The following ACAN variants were observed in gnomAD, a reference collection of about 807,000 sequenced individuals.
The protein encoded by ACAN is aggrecan core protein.
A neutral mutation model predicts 169.1 loss-of-function variants in ACAN; 47 were observed. The ratio of observed to expected loss-of-function variants is 0.28; its 90% CI spans 0.22 to 0.35. ACAN has a LOEUF of 0.35. Among genes scored for constraint, ACAN ranks in the 10% least tolerant of loss-of-function variants. The pLI is 1.00. For synonymous variants in ACAN, 1,115 were observed against 1,112.2 expected (o/e 1.00, Z -0.05); for missense variants, 2,716 against 2,759.9 (o/e 0.98, Z 0.36).
intron 12 of ACAN, among the ~76,000 whole-genome samples, chr15:88,860,064 T>C (rs1175917582): frequency 7.3e-6 from 1 of 137,928 alleles, no homozygotes; most frequent in Non-Finnish European, 1.5e-5. Context: ...TAGCGGTAGC[T>C]GATTTTCCTT....
chr15:88,825,692 T>C (rs1896197577), intron 1 of ACAN, among the ~76,000 whole-genome samples: 1 of 151,888 alleles, frequency 6.6e-6, no homozygotes, highest in African/African-American at 2.4e-5. Flanking sequence ...GATCAGTGAG[T>C]GAAGGGAATC....
chr15:88,848,619 GC>G (rs1416478051), intron 9 of ACAN, among the ~76,000 whole-genome samples: 5 of 152,186 alleles, frequency 3.3e-5, no homozygotes, highest in Admixed American at 3.3e-4. Flanking sequence ...ACTCAGCATT[GC>G]CCAATTTTTA....
chr15:88,808,066 T>C (rs1895730358), intron 1 of ACAN, among the ~76,000 whole-genome samples: 1 of 152,104 alleles, frequency 6.6e-6, no homozygotes, highest in South Asian at 2.1e-4. Context: ...CTTTCTGTAA[T>C]TGATTTGACT....
intron 1 of ACAN, among the ~76,000 whole-genome samples, chr15:88,835,347 G>A (rs1896474810): frequency 1.3e-5 from 2 of 151,976 alleles, no homozygotes; most frequent in Non-Finnish European, 2.9e-5. Flanking sequence ...GTTCTCCAAG[G>A]AAACAAACCA....
At chr15:88,816,926 TTC>T (rs1305799785) in intron 1 of ACAN, among the ~76,000 whole-genome samples, 7 of 152,062 alleles carry the variant, frequency 4.6e-5, no homozygotes, top group African/African-American at 1.7e-4. Flanking sequence ...CAGAAGAAAA[TTC>T]TGTTTCCCAC....
chr15:88,873,666 T>A lies in ACAN; in HGVS notation c.7448-176T>A. The A allele has an allele frequency of 1.6e-6, 1 of 636,746 alleles. No individual in the cohort carries two copies. The highest frequency in any genetic ancestry group is 2.0e-5 in the South Asian group (1 of 49,594). 39.4% of individuals were successfully genotyped at this position (636,746 alleles called of 1,614,324 possible). A position where few individuals can be genotyped will look rare whatever the true frequency, so the allele number is the denominator to read the frequency against. Reference sequence around the variant, plus strand: ...TTCCCTTCCTGCTGTTCTAAATTGTTGAGGAACCCAGATGTTACAGCCAGC... The same window carrying A: ...TTCCCTTCCTGCTGTTCTAAATTGTAGAGGAACCCAGATGTTACAGCCAGC... On this transcript the variant is annotated intron_variant, in intron 17 of 18. Transcript: ENST00000560601. This position sits in a 1 kb window ranked among gnomAD's most constrained non-coding sequence, Gnocchi z 7.5.
chr15:88,864,653 C>G (rs1897253530), intron 13 of ACAN, among the ~76,000 whole-genome samples: 1 of 152,192 alleles, frequency 6.6e-6, no homozygotes, highest in Non-Finnish European at 1.5e-5. Context: ...GTGTAAGAGA[C>G]AACCAGAAAG....
At chr15:88,831,858 G>T (rs1896372658) in intron 1 of ACAN, among the ~76,000 whole-genome samples, 1 of 152,200 alleles carries the variant, frequency 6.6e-6, no homozygotes, top group African/African-American at 2.4e-5. Flanking sequence ...AGGAAGCGTT[G>T]GTTGGAGGGG....
chr15:88,864,051 C>A (rs1461605041), intron 13 of ACAN, among the ~76,000 whole-genome samples: 1 of 152,106 alleles, frequency 6.6e-6, no homozygotes, highest in Admixed American at 6.6e-5. Flanking sequence ...GTGGCACATG[C>A]CTTTAGTCCC....
intron 1 of ACAN, among the ~76,000 whole-genome samples, chr15:88,821,679 G>A (rs913129303): frequency 6.6e-6 from 1 of 152,192 alleles, no homozygotes; most frequent in African/African-American, 2.4e-5. Flanking sequence ...CCCAAGGAGG[G>A]AAAGCAGTGT....
chr15:88,864,458 G>C (rs1897250801), intron 13 of ACAN, among the ~76,000 whole-genome samples: 1 of 152,042 alleles, frequency 6.6e-6, no homozygotes. Flanking sequence ...TAGTAGATGG[G>C]ATTTCACTAT....
rs752522191 is a variant in ACAN at position 88,859,088 on chromosome 15, G to A, written c.6503G>A (p.Ser2168Asn). Residue 2168 changes from serine (S) to asparagine (N), a missense_variant, in exon 12 of 19, where the codon AGT becomes AAT. Coordinates refer to ENST00000560601, the MANE Select transcript of ACAN (RefSeq NM_001369268.1). Reference protein sequence around the residue: ...EGEASAAPEVSGESTTTSDVG... With the variant: ...EGEASAAPEVNGESTTTSDVG... ...GAGGCGTCCGCTGCCCCAGAAGTGA[G>A]TGGAGAATCCACCACCACCAGTGAT... 3.7e-6 allele frequency: 6 copies of A among 1,613,804 alleles called. No homozygotes were observed. Among genetic ancestry groups the A allele is most frequent in the South Asian group, 1.1e-5 (1 of 91,092 alleles).
At chr15:88,818,085 A>G (rs2050928899) in intron 1 of ACAN, among the ~76,000 whole-genome samples, 1 of 152,158 alleles carries the variant, frequency 6.6e-6, no homozygotes, top group Non-Finnish European at 1.5e-5. Flanking sequence ...AAGTAAGTAA[A>G]CAGTTTTCCT....
chr15:88,858,893 C>G lies in ACAN; in HGVS notation c.6308C>G (p.Thr2103Arg). 6.2e-7 allele frequency: 1 copy of G among 1,609,300 alleles called. No individual in the cohort carries two copies. The highest frequency in any genetic ancestry group is 8.5e-7 in the Non-Finnish European group (1 of 1,176,786). The change falls in exon 12 of 19, where the codon ACG becomes AGG. Residue 2103 changes from threonine to arginine, a missense_variant. Coordinates refer to ENST00000560601, the MANE Select transcript of ACAN (RefSeq NM_001369268.1). The surrounding 1 kb of genome is among the most constrained non-coding windows in gnomAD (Gnocchi z 4.0). ...VSSVPESSSE[T>R]SAYPEAGFGA... ...TCAGTCCCAGAATCTAGCAGTGAGA[C>G]GTCCGCCTATCCTGAAGCTGGGTTC... is the stretch of plus-strand genomic sequence containing the variant.
chr15:88,836,450 C>T (rs900398377), intron 2 of ACAN, among the ~76,000 whole-genome samples, 174 bp downstream of exon 2: 1 of 152,140 alleles, frequency 6.6e-6, no homozygotes, highest in Non-Finnish European at 1.5e-5. Flanking sequence ...TGGGATAGCA[C>T]CCATGCGCGG....
rs1251909320 is a variant in ACAN at position 88,868,323 on chromosome 15, G to A, written c.7054G>A (p.Glu2352Lys). The A allele has an allele frequency of 1.4e-6, 1 of 702,818 alleles. No homozygotes were observed. The highest frequency in any genetic ancestry group is 2.6e-6 in the Non-Finnish European group (1 of 384,842). The allele number at this position is 702,818 out of a possible 1,614,324, so 43.5% of individuals were successfully genotyped here. ...TCCCAGCTACGAAGGGGACCTGTGT[G>A]AGATTGGTACGGCCGTCTTGGCTTC... Reference protein sequence around the residue: ...CLPSYEGDLCEIDQEVCEEGW... With the variant: ...CLPSYEGDLCKIDQEVCEEGW... The change falls in exon 14 of 19, where the codon GAG (glutamate) becomes AAG (lysine). Residue 2352 changes from glutamate (E) to lysine (K), a missense_variant. Around this residue, in one of 3 missense-constraint regions of ACAN, gnomAD observed 1,389 missense variants for 1,363.7 expected, o/e 1.02. Coordinates refer to ENST00000560601, the MANE Select transcript of ACAN (RefSeq NM_001369268.1). This position sits in a 1 kb window ranked among gnomAD's most constrained non-coding sequence, Gnocchi z 5.2.
Position 88,874,563 on chromosome 15 carries a change from T to G in ACAN, c.*82T>G. ...TGCATCCCACCCAGACGGTGTCCTC[T>G]TCTTGTCGCTTTTTGTCATATAAGG... is the stretch of plus-strand genomic sequence containing the variant. On this transcript the variant is annotated 3_prime_UTR_variant, in exon 19 of 19. Coordinates refer to ENST00000560601, the MANE Select transcript of ACAN (RefSeq NM_001369268.1). This position sits in a 1 kb window ranked among gnomAD's most constrained non-coding sequence, Gnocchi z 7.3. The G allele has an allele frequency of 7.7e-7, 1 of 1,299,176 alleles. No individual in the cohort carries two copies. Among genetic ancestry groups the G allele is most frequent in the Non-Finnish European group, 1.1e-6 (1 of 917,674 alleles). The allele number at this position is 1,299,176 out of a possible 1,614,324, so 80.5% of individuals were successfully genotyped here.
At chr15:88,825,190 G>A (rs1169699710) in intron 1 of ACAN, among the ~76,000 whole-genome samples, 1 of 152,134 alleles carries the variant, frequency 6.6e-6, no homozygotes, top group African/African-American at 2.4e-5. Flanking sequence ...GGAAGGAGCT[G>A]GATTTTTCTC....
chr15:88,875,050 C>T lies in ACAN; in HGVS notation c.*569C>T, dbSNP rs1178629854. 6.0e-6 allele frequency: 1 copy of T among 167,310 alleles called. No individual in the cohort carries two copies. Among genetic ancestry groups the T allele is most frequent in the East Asian group, 1.7e-4 (1 of 6,002 alleles). 10.4% of individuals were successfully genotyped at this position (167,310 alleles called of 1,614,324 possible). Reference sequence around the variant, plus strand: ...GGGGGAGAGGGGTGGGTTCCTGCCTCCTGCCGAGGGTAAGCCGGCAGGAGA... The same window carrying T: ...GGGGGAGAGGGGTGGGTTCCTGCCTTCTGCCGAGGGTAAGCCGGCAGGAGA... On this transcript the variant is annotated 3_prime_UTR_variant, in exon 19 of 19. Coordinates refer to ENST00000560601, the MANE Select transcript of ACAN (RefSeq NM_001369268.1). This position sits in a 1 kb window ranked among gnomAD's most constrained non-coding sequence, Gnocchi z 4.8.
Sources: gnomAD v4.1 joint callset for allele counts (sites outside exome capture counted in the v4.1 genomes callset) on GRCh38, gnomAD v4.1.1 for gene constraint, gnomAD v4.1.1 regional missense constraint, Gnocchi (gnomAD v3.1) non-coding constraint, MANE v1.5 for transcripts, NCBI Gene and HGNC (gene_info 2026-07-23, HGNC 2026-07-21) for gene names.